Variants in PPP3CA observed in about 807,000 individuals in gnomAD.
The protein encoded by PPP3CA is protein phosphatase 3 catalytic subunit alpha, also known as CAM-PRP catalytic subunit.
Under a neutral mutation model 66.5 loss-of-function variants are expected in PPP3CA, and 14 were observed. The ratio of observed to expected loss-of-function variants is 0.21; its 90% CI spans 0.14 to 0.33. The LOEUF (loss-of-function observed/expected upper bound fraction) is 0.33, where lower values mean the gene tolerates loss of function less well. PPP3CA is among the 10% of genes least tolerant of loss of function. The probability of loss-of-function intolerance (pLI) is 1.00; values close to 1 mark genes in which losing one functional copy is unlikely to be tolerated. For synonymous variants in PPP3CA, 232 were observed against 226.2 expected (o/e 1.03, Z -0.23); for missense variants, 317 against 639.5 (o/e 0.50, Z 5.44).
At chr4:101,144,920 C>A (rs1157949457) in intron 2 of PPP3CA, among the ~76,000 whole-genome samples, 1 of 152,080 alleles carries the variant, frequency 6.6e-6, no homozygotes, top group Admixed American at 6.6e-5. Flanking sequence ...ACTAATCAAG[C>A]TTAGAAATAT....
intron 1 of PPP3CA, among the ~76,000 whole-genome samples, chr4:101,235,539 A>G (rs1198714819): frequency 2.0e-5 from 3 of 151,830 alleles, no homozygotes; most frequent in African/African-American, 7.2e-5. Context: ...GTGATTTCTA[A>G]TTAATAATTC....
chr4:101,089,810 G>T (rs998740731), intron 6 of PPP3CA, among the ~76,000 whole-genome samples: 1 of 152,084 alleles, frequency 6.6e-6, no homozygotes, highest in Non-Finnish European at 1.5e-5. Context: ...TGGTACATTG[G>T]GGCAAAATCA....
intron 6 of PPP3CA, among the ~76,000 whole-genome samples, chr4:101,087,411 C>G (rs995742010): frequency 1.3e-5 from 2 of 152,162 alleles, no homozygotes; most frequent in African/African-American, 4.8e-5. Context: ...CCCTTGGAAC[C>G]TGCACTCTGA....
At chr4:101,123,021 T>G (rs188292573) in intron 2 of PPP3CA, among the ~76,000 whole-genome samples, 2 of 152,276 alleles carry the variant, frequency 1.3e-5, no homozygotes, top group East Asian at 1.9e-4. Flanking sequence ...AAATAATAAG[T>G]GAAGCCATTC....
At chr4:101,249,898 T>C (rs575920294) in intron 1 of PPP3CA, among the ~76,000 whole-genome samples, 1 of 152,266 alleles carries the variant, frequency 6.6e-6, no homozygotes, top group South Asian at 2.1e-4. Flanking sequence ...TAATACAAAA[T>C]AGCAAACTAA....
rs552893853 is a variant in PPP3CA, at chr4:101,025,284, G to A, written c.*581C>T. 2 of 145,538 alleles carry A rather than the reference G, an allele frequency of 1.4e-5. No homozygotes were observed. Among genetic ancestry groups the A allele is most frequent in the South Asian group, 4.4e-4 (2 of 4,496 alleles). The allele number at this position is 145,538 out of a possible 1,614,324, so 9.0% of individuals were successfully genotyped here. A position where few individuals can be genotyped will look rare whatever the true frequency, so the allele number is the denominator to read the frequency against. ...TTTGGCATTTTAACAAATTTGCAAC[G>A]TTCTTTTTTTTCTTTTTCTGTTTTT... On this transcript the variant is annotated 3_prime_UTR_variant, in exon 14 of 14. Transcript: ENST00000394854.
chr4:101,218,130 A>G (rs1276928014), intron 1 of PPP3CA, among the ~76,000 whole-genome samples: 1 of 152,094 alleles, frequency 6.6e-6, no homozygotes, highest in Non-Finnish European at 1.5e-5. Flanking sequence ...GAATAAACAG[A>G]GAAAAGAGGA....
chr4:101,127,390 G>A (rs1722277730), intron 2 of PPP3CA, among the ~76,000 whole-genome samples: 1 of 152,048 alleles, frequency 6.6e-6, no homozygotes, highest in Admixed American at 6.6e-5. Flanking sequence ...TGATTGGGAT[G>A]GGCCTTAATC....
intron 1 of PPP3CA, among the ~76,000 whole-genome samples, chr4:101,224,724 CA>C (rs1452633948): frequency 2.0e-5 from 3 of 151,688 alleles, no homozygotes; most frequent in East Asian, 1.9e-4. Flanking sequence ...GAAATCGGGG[CA>C]GGGGGGATGG....
At chr4:101,234,648 A>AT (rs910791349) in intron 1 of PPP3CA, among the ~76,000 whole-genome samples, 43 of 150,714 alleles carry the variant, frequency 2.9e-4, no homozygotes, top group Admixed American at 2.3e-3. Context: ...ATCAATTTTT[A>AT]TTTTTTTATC....
intron 1 of PPP3CA, among the ~76,000 whole-genome samples, chr4:101,293,168 C>A (rs1283687824): frequency 6.6e-6 from 1 of 152,192 alleles, no homozygotes; most frequent in African/African-American, 2.4e-5. Context: ...AAGTTCACAG[C>A]AGGAAAGGGA....
intron 2 of PPP3CA, among the ~76,000 whole-genome samples, chr4:101,125,111 G>C (rs1029248219): frequency 2.2e-5 from 3 of 138,940 alleles, no homozygotes; most frequent in Non-Finnish European, 4.4e-5. Flanking sequence ...ACATAGGCAG[G>C]GGGGGTATAA....
rs114866319 is a variant in PPP3CA at position 101,048,235 on chromosome 4, T to C, written c.1157-7669A>G. On this transcript the variant is annotated intron_variant, in intron 10 of 13. Coordinates refer to ENST00000394854, the MANE Select transcript of PPP3CA (RefSeq NM_000944.5). ...CTCCAGCCAAGGTGCCTTCTCAGGCTGATCACTTTTAAGAAAATAAGACTT... is the reference window on the plus strand; with the variant it reads ...CTCCAGCCAAGGTGCCTTCTCAGGCCGATCACTTTTAAGAAAATAAGACTT... Among the ~76,000 whole-genome samples, 162 of 152,262 alleles carry C rather than the reference T, an allele frequency of 1.1e-3. 1 individual carries two copies. The highest frequency in any genetic ancestry group is 3.7e-3 in the African/African-American group (153 of 41,568).
chr4:101,126,128 T>G (rs1161355927), intron 2 of PPP3CA, among the ~76,000 whole-genome samples: 1 of 152,214 alleles, frequency 6.6e-6, no homozygotes, highest in Non-Finnish European at 1.5e-5. Context: ...TGTAATGAAC[T>G]ACTGTGAAAG....
At chr4:101,234,810 T>C (rs1206015250) in intron 1 of PPP3CA, among the ~76,000 whole-genome samples, 1 of 151,772 alleles carries the variant, frequency 6.6e-6, no homozygotes, top group African/African-American at 2.4e-5. Flanking sequence ...CATCATATAA[T>C]TACCTTTTAC....
intron 1 of PPP3CA, among the ~76,000 whole-genome samples, chr4:101,305,261 T>C (rs1464718109): frequency 6.6e-6 from 1 of 152,226 alleles, no homozygotes; most frequent in Non-Finnish European, 1.5e-5. Flanking sequence ...TTTGCTCATG[T>C]GAATTTTAAA....
intron 2 of PPP3CA, among the ~76,000 whole-genome samples, chr4:101,144,110 C>A (rs151195742): frequency 1.9e-3 from 282 of 152,254 alleles, no homozygotes; most frequent in African/African-American, 6.5e-3. Flanking sequence ...CTATGTCTGT[C>A]TTGGTTCAAG....
chr4:101,190,346 A>T (rs1393538766), intron 2 of PPP3CA, among the ~76,000 whole-genome samples: 2 of 152,166 alleles, frequency 1.3e-5, no homozygotes, highest in African/African-American at 2.4e-5. Context: ...AAAGGTGCTT[A>T]AATATGTCAT....
rs999521163 is a variant in PPP3CA at position 101,242,433 on chromosome 4, G to C, written c.59-46317C>G. ...ATTAGTCAAATACACAAGTCCTAAG[G>C]AGAAACAGGAAGGGTCAAACTCAGG... is the stretch of plus-strand genomic sequence containing the variant. On this transcript the variant is annotated intron_variant, in intron 1 of 13. Coordinates refer to ENST00000394854, the MANE Select transcript of PPP3CA (RefSeq NM_000944.5). Among the ~76,000 whole-genome samples the C allele has an allele frequency of 1.2e-4, 19 of 152,036 alleles. No homozygotes were observed. The South Asian group carries it at 1.9e-3, about 15-fold the overall frequency.
Sources: gnomAD v4.1 joint callset for allele counts (sites outside exome capture counted in the v4.1 genomes callset) on GRCh38, gnomAD v4.1.1 for gene constraint, MANE v1.5 for transcripts, NCBI Gene and HGNC (gene_info 2026-07-23, HGNC 2026-07-21) for gene names.